Variants in ADRA1B observed in about 807,000 individuals in gnomAD.
The protein encoded by ADRA1B is alpha-1B adrenergic receptor.
Under a neutral mutation model 17.9 loss-of-function variants are expected in ADRA1B, and 17 were observed. The observed-to-expected ratio is 0.95, with a 90% CI of 0.65 to 1.42. ADRA1B has a LOEUF of 1.42. Ranked by LOEUF, ADRA1B falls within the 40% of genes most tolerant of loss-of-function variation. The pLI is 0.00. For synonymous variants in ADRA1B, 366 were observed against 327.6 expected, an observed-to-expected ratio of 1.12 and a Z score of -1.27; for missense variants, 681 against 722.1, an observed-to-expected ratio of 0.94 and a Z score of 0.65.
At chr5:159,968,376 A>C (rs1755811851) in intron 1 of ADRA1B, among the ~76,000 whole-genome samples, 1 of 152,186 alleles carries the variant, frequency 6.6e-6, no homozygotes, top group African/African-American at 2.4e-5. Context: ...GTAACCTTTA[A>C]AAGAGCCAGT....
chr5:159,942,193 A>T (rs1465996084), intron 1 of ADRA1B, among the ~76,000 whole-genome samples: 1 of 152,028 alleles, frequency 6.6e-6, no homozygotes, highest in African/African-American at 2.4e-5. Context: ...AAGTGCTGGG[A>T]TTACAGGCGT....
At chr5:159,872,328 T>G (rs760957391) in intron 1 of ADRA1B, among the ~76,000 whole-genome samples, 1 of 152,112 alleles carries the variant, frequency 6.6e-6, no homozygotes, top group South Asian at 2.1e-4. Context: ...ACTAGCTGCT[T>G]CTTCTTGTCC....
chr5:159,912,189 T>C (rs1754234064), upstream of ADRA1B, among the ~76,000 whole-genome samples: 1 of 152,208 alleles, frequency 6.6e-6, no homozygotes, highest in African/African-American at 2.4e-5. Flanking sequence ...CCTGTAGAGC[T>C]AGGAACTATT....
At chr5:159,932,882 A>G (rs1324533675) in intron 1 of ADRA1B, among the ~76,000 whole-genome samples, 1 of 152,114 alleles carries the variant, frequency 6.6e-6, no homozygotes, top group East Asian at 1.9e-4. Flanking sequence ...TTTTTTTCAG[A>G]TAGATCTCCA....
chr5:159,925,014 T>C (rs997792553), intron 1 of ADRA1B, among the ~76,000 whole-genome samples: 26 of 152,130 alleles, frequency 1.7e-4, no homozygotes, highest in African/African-American at 6.3e-4. Flanking sequence ...TTGTCCTCAT[T>C]TTACAGATGA....
chr5:159,982,067 T>C, the ADRA1B span, among the ~76,000 whole-genome samples: 1 of 152,200 alleles, frequency 6.6e-6, no homozygotes, highest in Non-Finnish European at 1.5e-5. Context: ...AACCCATCCA[T>C]CATTCTATGA....
At chr5:159,927,698 G>A (rs1232943547) in intron 1 of ADRA1B, among the ~76,000 whole-genome samples, 2 of 152,040 alleles carry the variant, frequency 1.3e-5, no homozygotes, top group East Asian at 3.8e-4. Context: ...ATTTTCAAAA[G>A]TGTCTCAATT....
intron 1 of ADRA1B, among the ~76,000 whole-genome samples, chr5:159,908,370 C>T (rs898499985): frequency 5.3e-5 from 8 of 152,186 alleles, no homozygotes; most frequent in East Asian, 3.8e-4. Context: ...TGTTGAAATT[C>T]GATCCCCCAG....
chr5:159,872,128 C>G (rs975074924), intron 1 of ADRA1B, among the ~76,000 whole-genome samples: 1 of 152,166 alleles, frequency 6.6e-6, no homozygotes, highest in Non-Finnish European at 1.5e-5. Flanking sequence ...GATTAAAATA[C>G]TCTCATGATT....
intron 1 of ADRA1B, among the ~76,000 whole-genome samples, chr5:159,937,333 C>T (rs116665970): frequency 6.6e-6 from 1 of 152,192 alleles, no homozygotes; most frequent in Non-Finnish European, 1.5e-5. Context: ...AAAAACACAG[C>T]TTAGGGAGTT....
chr5:159,876,073 C>T (rs1398302445), intron 1 of ADRA1B, among the ~76,000 whole-genome samples: 1 of 152,086 alleles, frequency 6.6e-6, no homozygotes, highest in Non-Finnish European at 1.5e-5. Context: ...CCTGTAATCC[C>T]AGCTACTCAC....
chr5:159,897,025 G>C (rs1377807315), intron 1 of ADRA1B, among the ~76,000 whole-genome samples: 3 of 152,080 alleles, frequency 2.0e-5, no homozygotes, highest in Non-Finnish European at 2.9e-5. Context: ...CAATCCTTTG[G>C]GGCCTATTGG....
At chr5:159,934,149 G>C (rs181474453) in intron 1 of ADRA1B, among the ~76,000 whole-genome samples, 71 of 152,344 alleles carry the variant, frequency 4.7e-4, no homozygotes, top group African/African-American at 1.7e-3. Flanking sequence ...GGGAGCCAAT[G>C]GGCCCTGGTC....
intron 1 of ADRA1B, chr5:159,948,431 T>C (rs1755334837): frequency 1.0e-6 from 1 of 985,464 alleles, no homozygotes; most frequent in African/African-American, 1.7e-5. Context: ...CAAAGCGTTT[T>C]TCAACAGAAA....
intron 1 of ADRA1B, among the ~76,000 whole-genome samples, chr5:159,919,669 A>G (rs951073937): frequency 3.3e-5 from 5 of 152,224 alleles, no homozygotes; most frequent in Non-Finnish European, 7.3e-5. Context: ...CACACCTGTT[A>G]CTAAAGTCTT....
chr5:159,958,476 G>A (rs1031271917), intron 1 of ADRA1B, among the ~76,000 whole-genome samples: 3 of 151,930 alleles, frequency 2.0e-5, no homozygotes, highest in Admixed American at 1.3e-4. Flanking sequence ...TTCTATGACA[G>A]GTTTTAATAT....
chr5:159,915,890 A>G (rs944940074), upstream of ADRA1B, among the ~76,000 whole-genome samples: 8 of 152,170 alleles, frequency 5.3e-5, no homozygotes, highest in African/African-American at 1.9e-4. Context: ...TTCAGTTGCT[A>G]TGTTCACAGC....
At chr5:159,964,678 G>C (rs1422363219) in intron 1 of ADRA1B, among the ~76,000 whole-genome samples, 1 of 152,126 alleles carries the variant, frequency 6.6e-6, no homozygotes, top group African/African-American at 2.4e-5. Flanking sequence ...TAGGAATGTT[G>C]CCCACAATTT....
At chr5:159,951,011 A>T in intron 1 of ADRA1B, 1 of 667,624 alleles carries the variant, frequency 1.5e-6, no homozygotes, top group Non-Finnish European at 2.8e-6. Context: ...GTTGTCATGG[A>T]TGACCTCGCC....
Sources: gnomAD v4.1 joint callset for allele counts (sites outside exome capture counted in the v4.1 genomes callset) on GRCh38, gnomAD v4.1.1 for gene constraint, MANE v1.5 for transcripts, NCBI Gene and HGNC (gene_info 2026-07-23, HGNC 2026-07-21) for gene names.